NRXN1: variants seen among roughly 807,000 people sequenced by gnomAD.
NRXN1 encodes the protein neurexin 1, also known as neurexin-1.
NRXN1 carries 39 observed loss-of-function variants against 150.9 expected under a neutral mutation model. That is an observed-to-expected ratio of 0.26 (90% CI 0.20 to 0.34). The LOEUF (loss-of-function observed/expected upper bound fraction) is 0.34, where lower values mean the gene tolerates loss of function less well. NRXN1 is among the 10% of genes least tolerant of loss of function. The pLI is 1.00. For missense variants in NRXN1, 1,815 were observed against 1,949.9 expected, an observed-to-expected ratio of 0.93 and a Z score of 1.30; for synonymous variants, 924 against 757.0, an observed-to-expected ratio of 1.22 and a Z score of -3.62.
chr2:50,706,160 A>T (rs1694406399), intron 5 of NRXN1, among the ~76,000 whole-genome samples: 1 of 152,106 alleles, frequency 6.6e-6, no homozygotes, highest in African/African-American at 2.4e-5. Context: ...TTTTACAAAA[A>T]CTATGGTTAC....
chr2:50,250,184 T>G (rs2066907997), intron 17 of NRXN1, among the ~76,000 whole-genome samples: 1 of 152,098 alleles, frequency 6.6e-6, no homozygotes, highest in Non-Finnish European at 1.5e-5. Flanking sequence ...TCTCCCAAAT[T>G]AAGAATTTAT....
chr2:50,086,237 G>A (rs1364431540), intron 19 of NRXN1, among the ~76,000 whole-genome samples: 1 of 152,058 alleles, frequency 6.6e-6, no homozygotes, highest in Admixed American at 6.6e-5. Flanking sequence ...AAATAATAGA[G>A]TGACTTAAAT....
intron 17 of NRXN1, among the ~76,000 whole-genome samples, chr2:50,260,888 G>A (rs1180020812): frequency 6.6e-6 from 1 of 151,452 alleles, no homozygotes; most frequent in African/African-American, 2.4e-5. Context: ...GTTCCTCTAC[G>A]GCTCCTCCAA....
At chr2:50,779,838 A>G (rs566443996) in intron 5 of NRXN1, among the ~76,000 whole-genome samples, 136 of 152,312 alleles carry the variant, frequency 8.9e-4, no homozygotes, top group African/African-American at 2.8e-3. Flanking sequence ...ATGTGTGCAT[A>G]TGTCTTTACA....
chr2:50,641,647 T>G (rs1400250342), intron 5 of NRXN1, among the ~76,000 whole-genome samples: 1 of 152,130 alleles, frequency 6.6e-6, no homozygotes, highest in Non-Finnish European at 1.5e-5. Flanking sequence ...CTTAGCAGAT[T>G]TGAGGCATCT....
chr2:50,042,019 A>G (rs1196127347), intron 21 of NRXN1, among the ~76,000 whole-genome samples: 1 of 152,160 alleles, frequency 6.6e-6, no homozygotes, highest in Non-Finnish European at 1.5e-5. Context: ...TTGAAATGGG[A>G]ATTTTGCTTC....
At chr2:50,880,563 T>A (rs1379487031) in intron 5 of NRXN1, among the ~76,000 whole-genome samples, 1 of 151,992 alleles carries the variant, frequency 6.6e-6, no homozygotes, top group East Asian at 1.9e-4. Context: ...TTAAAAGACA[T>A]GACATCATTT....
intron 2 of NRXN1, among the ~76,000 whole-genome samples, chr2:51,002,638 GTAAA>G (rs1700217836): frequency 6.6e-6 from 1 of 151,846 alleles, no homozygotes; most frequent in Non-Finnish European, 1.5e-5. Flanking sequence ...AAAATTCTCT[GTAAA>G]TATAACCGAA....
At chr2:50,898,570 G>C (rs769616821) in intron 5 of NRXN1, 1 of 480,300 alleles carries the variant, frequency 2.1e-6, no homozygotes, top group Non-Finnish European at 4.2e-6. Context: ...AAAATGAAAC[G>C]GGATATTGTG....
chr2:50,355,299 T>TAC (rs908087338), intron 17 of NRXN1, among the ~76,000 whole-genome samples: 1 of 148,834 alleles, frequency 6.7e-6, no homozygotes, highest in Admixed American at 6.7e-5. Flanking sequence ...TACATATATA[T>TAC]ATATTTGTTA....
chr2:50,157,976 T>C (rs1233460998), intron 18 of NRXN1, among the ~76,000 whole-genome samples: 5 of 145,862 alleles, frequency 3.4e-5, no homozygotes, highest in Non-Finnish European at 6.1e-5. Flanking sequence ...GAGTAGCTAG[T>C]AGGGGAGAGA....
chr2:50,618,033 G>T (rs1318776522), intron 8 of NRXN1, among the ~76,000 whole-genome samples: 2 of 152,080 alleles, frequency 1.3e-5, no homozygotes, highest in Non-Finnish European at 2.9e-5. Flanking sequence ...TCTTTAGTTA[G>T]ATTCCCATTT....
At chr2:50,560,329 A>G (rs1668864689) in intron 8 of NRXN1, among the ~76,000 whole-genome samples, 1 of 152,208 alleles carries the variant, frequency 6.6e-6, no homozygotes, top group African/African-American at 2.4e-5. Context: ...CATCCAGTAC[A>G]GTACCTACAA....
At chr2:50,399,741 AAACTT>A (rs1384369182) in intron 17 of NRXN1, among the ~76,000 whole-genome samples, 1 of 127,712 alleles carries the variant, frequency 7.8e-6, no homozygotes, top group Non-Finnish European at 1.6e-5. Flanking sequence ...TATTCTGCAA[AAACTT>A]ACACTATTCC....
chr2:50,216,658 G>C (rs1018166894), intron 18 of NRXN1, among the ~76,000 whole-genome samples: 5 of 151,834 alleles, frequency 3.3e-5, no homozygotes, highest in Non-Finnish European at 5.9e-5. Flanking sequence ...AAAAATCAGA[G>C]TGCTTTATTG....
At chr2:50,482,290 G>A (rs2090533521) in intron 15 of NRXN1, among the ~76,000 whole-genome samples, 1 of 152,184 alleles carries the variant, frequency 6.6e-6, no homozygotes, top group African/African-American at 2.4e-5. Context: ...CTCTATGCCA[G>A]TAACAGTGTG....
chr2:50,439,946 G>A (rs1200674194), intron 17 of NRXN1, among the ~76,000 whole-genome samples: 1 of 152,074 alleles, frequency 6.6e-6, no homozygotes, highest in African/African-American at 2.4e-5. Flanking sequence ...ATCTACATTA[G>A]GCACTTTATA....
intron 5 of NRXN1, among the ~76,000 whole-genome samples, chr2:50,877,523 C>T (rs1301357104): frequency 1.3e-5 from 2 of 151,866 alleles, no homozygotes; most frequent in African/African-American, 4.8e-5. Flanking sequence ...TTCCTTCTTT[C>T]TTTGAGTTCT....
intron 17 of NRXN1, among the ~76,000 whole-genome samples, chr2:50,365,009 T>C (rs2079488642): frequency 6.6e-6 from 1 of 152,090 alleles, no homozygotes; most frequent in Non-Finnish European, 1.5e-5. Flanking sequence ...TATGTTGTAC[T>C]GCTTTGAGCA....
Sources: gnomAD v4.1 joint callset for allele counts (sites outside exome capture counted in the v4.1 genomes callset) on GRCh38, gnomAD v4.1.1 for gene constraint, MANE v1.5 for transcripts, NCBI Gene and HGNC (gene_info 2026-07-23, HGNC 2026-07-21) for gene names.